The following CDH18 variants were observed in gnomAD, a reference collection of about 807,000 sequenced individuals.
The protein encoded by CDH18 is cadherin 18.
In CDH18, 31 loss-of-function variants were observed where a neutral mutation model predicts 67.9. The observed-to-expected ratio is 0.46, with a 90% CI of 0.34 to 0.62. The LOEUF is 0.62. Ranked by LOEUF, CDH18 falls within the 20% of genes least tolerant of loss-of-function variation. CDH18 has a pLI of 0.01. For missense variants in CDH18, 890 were observed against 975.5 expected (o/e 0.91, Z 1.17); for synonymous variants, 362 against 347.2 (o/e 1.04, Z -0.48).
intron 1 of CDH18, among the ~76,000 whole-genome samples, chr5:20,360,481 C>G (rs1742003980): frequency 6.6e-6 from 1 of 152,120 alleles, no homozygotes; most frequent in Non-Finnish European, 1.5e-5. Flanking sequence ...TGGCATCATT[C>G]CTACTTACAA....
chr5:20,504,149 T>G (rs1051610330), intron 1 of CDH18, among the ~76,000 whole-genome samples: 9 of 152,174 alleles, frequency 5.9e-5, no homozygotes, highest in African/African-American at 2.2e-4. Context: ...AACTATTGGA[T>G]ATATAATATG....
chr5:19,920,343 G>A (rs1011833688), intron 2 of CDH18, among the ~76,000 whole-genome samples: 1 of 151,990 alleles, frequency 6.6e-6, no homozygotes, highest in East Asian at 1.9e-4. Flanking sequence ...GCAACAAGTA[G>A]GACTTGAAAA....
intron 10 of CDH18, among the ~76,000 whole-genome samples, chr5:19,511,458 G>A (rs1189121493): frequency 2.6e-5 from 4 of 152,100 alleles, no homozygotes; most frequent in Admixed American, 2.6e-4. Flanking sequence ...AGGAAGACGT[G>A]GGAAGGTTTG....
At chr5:20,546,889 G>A (rs1036622495) in intron 1 of CDH18, among the ~76,000 whole-genome samples, 6 of 151,984 alleles carry the variant, frequency 3.9e-5, no homozygotes, top group Non-Finnish European at 8.8e-5. Context: ...ACAATATTTT[G>A]CTATTATTGG....
chr5:19,484,879 C>CT (rs1740110790), intron 11 of CDH18, among the ~76,000 whole-genome samples: 1 of 152,200 alleles, frequency 6.6e-6, no homozygotes, highest in Non-Finnish European at 1.5e-5. Context: ...CAATAGGCAG[C>CT]TACATCTATG....
chr5:20,160,614 T>A (rs1386664916), intron 2 of CDH18, among the ~76,000 whole-genome samples: 5 of 152,198 alleles, frequency 3.3e-5, no homozygotes, highest in Admixed American at 1.3e-4. Flanking sequence ...GATTTTATCT[T>A]AGGAAATACT....
intron 1 of CDH18, among the ~76,000 whole-genome samples, chr5:20,534,653 T>A (rs899180630): frequency 4.3e-4 from 66 of 152,178 alleles, no homozygotes; most frequent in African/African-American, 1.4e-3. Context: ...AATTTGGAAC[T>A]ATGTAGCTCA....
intron 2 of CDH18, among the ~76,000 whole-genome samples, chr5:19,965,448 A>G (rs1382438781): frequency 6.6e-6 from 1 of 152,192 alleles, no homozygotes; most frequent in African/African-American, 2.4e-5. Flanking sequence ...TACATAAACT[A>G]TATCTGACTT....
chr5:19,646,811 T>C (rs926565588), intron 5 of CDH18, among the ~76,000 whole-genome samples: 1 of 152,044 alleles, frequency 6.6e-6, no homozygotes, highest in Non-Finnish European at 1.5e-5. Context: ...CAGTATCTTA[T>C]AAATGACAAC....
At chr5:19,919,178 C>T (rs1019122132) in intron 2 of CDH18, among the ~76,000 whole-genome samples, 10 of 152,144 alleles carry the variant, frequency 6.6e-5, no homozygotes, top group African/African-American at 2.4e-4. Flanking sequence ...CCCCACTACA[C>T]AGACTCACAA....
At chr5:20,190,900 C>G (rs1245398446) in intron 2 of CDH18, among the ~76,000 whole-genome samples, 1 of 152,036 alleles carries the variant, frequency 6.6e-6, no homozygotes, top group African/African-American at 2.4e-5. Flanking sequence ...CCTTTATGAT[C>G]TAAGAGAAAA....
intron 2 of CDH18, among the ~76,000 whole-genome samples, chr5:20,227,529 C>A (rs549468294): frequency 6.6e-6 from 1 of 152,230 alleles, no homozygotes; most frequent in African/African-American, 2.4e-5. Context: ...CTAAAATTGA[C>A]TATTCTGTTA....
At chr5:20,438,852 A>C (rs763186671) in intron 1 of CDH18, among the ~76,000 whole-genome samples, 7 of 151,432 alleles carry the variant, frequency 4.6e-5, no homozygotes, top group Non-Finnish European at 7.4e-5. Context: ...AATTTACTAG[A>C]CCTCCACTAT....
chr5:19,998,195 A>T (rs188300901), intron 2 of CDH18, among the ~76,000 whole-genome samples: 18 of 152,260 alleles, frequency 1.2e-4, no homozygotes, highest in Admixed American at 9.8e-4. Context: ...ATACATGGGG[A>T]CCAGTTTAGA....
chr5:20,261,729 TA>T (rs540501991), intron 1 of CDH18, among the ~76,000 whole-genome samples: 145 of 146,838 alleles, frequency 9.9e-4, no homozygotes, highest in Admixed American at 1.8e-3. Context: ...AGACTCCGTT[TA>T]AAAAAAAAAA....
intron 2 of CDH18, among the ~76,000 whole-genome samples, chr5:20,229,422 T>C (rs937545780): frequency 3.3e-5 from 5 of 152,044 alleles, no homozygotes; most frequent in African/African-American, 1.2e-4. Flanking sequence ...GATTAGCACA[T>C]TGGAAAATGT....
intron 8 of CDH18, among the ~76,000 whole-genome samples, chr5:19,549,802 AAAAG>A (rs1191845637): frequency 6.6e-6 from 1 of 151,512 alleles, no homozygotes; most frequent in African/African-American, 2.4e-5. Context: ...GGAAGAAAGA[AAAAG>A]AAAGAAAAAG....
intron 2 of CDH18, among the ~76,000 whole-genome samples, chr5:20,143,534 A>AT (rs574497286): frequency 6.6e-6 from 1 of 151,752 alleles, no homozygotes; most frequent in Non-Finnish European, 1.5e-5. Context: ...TGCCCAGATA[A>AT]TTTTTTCCCC....
chr5:20,128,562 T>C (rs757435342), intron 2 of CDH18, among the ~76,000 whole-genome samples: 10 of 152,070 alleles, frequency 6.6e-5, no homozygotes, highest in Non-Finnish European at 1.5e-4. Flanking sequence ...TTGCAACTAC[T>C]GAAAAAACAA....
Sources: allele counts gnomAD v4.1 joint callset (sites outside exome capture counted in the v4.1 genomes callset), GRCh38; gene constraint gnomAD v4.1.1; transcripts MANE v1.5; gene names NCBI Gene and HGNC (gene_info 2026-07-23, HGNC 2026-07-21).